Variants in CDH23 observed in about 807,000 individuals in gnomAD.
CDH23 encodes the protein cadherin-23.
In CDH23, 189 loss-of-function variants were observed where a neutral mutation model predicts 317.1. The observed-to-expected ratio is 0.60, with a 90% confidence interval of 0.53 to 0.67. The LOEUF (loss-of-function observed/expected upper bound fraction) is 0.67. Among genes scored for constraint, CDH23 ranks in the 30% least tolerant of loss-of-function variants. The probability of loss-of-function intolerance (pLI) is 0.00; values close to 1 mark genes in which losing one functional copy is unlikely to be tolerated. For synonymous variants in CDH23, 1,839 were observed against 1,876.8 expected (o/e 0.98, Z 0.52); for missense variants, 4,401 against 4,592.4 (o/e 0.96, Z 1.20).
At chr10:71,541,415 CAG>C (rs1855982997) in intron 6 of CDH23, among the ~76,000 whole-genome samples, 1 of 152,348 alleles carries the variant, frequency 6.6e-6, no homozygotes, top group East Asian at 1.9e-4. Context: ...TTAGTAGGAA[CAG>C]AGACTTTGGA....
intron 6 of CDH23, among the ~76,000 whole-genome samples, chr10:71,516,752 G>A (rs1199224013): frequency 6.6e-6 from 1 of 152,200 alleles, no homozygotes; most frequent in Non-Finnish European, 1.5e-5. Context: ...TCAAAGGGAT[G>A]GAGCCAGGAT....
At chr10:71,459,282 T>TG (rs1850857306) in intron 3 of CDH23, among the ~76,000 whole-genome samples, 1 of 151,778 alleles carries the variant, frequency 6.6e-6, no homozygotes. Context: ...TTTGTAGAGA[T>TG]GGGGGTCTCC....
At chr10:71,640,745 CTCTG>C (rs1354211842) in intron 11 of CDH23, among the ~76,000 whole-genome samples, 1 of 151,990 alleles carries the variant, frequency 6.6e-6, no homozygotes, top group Non-Finnish European at 1.5e-5. Flanking sequence ...CCAAGCAAGA[CTCTG>C]TCTGAAAAAA....
intron 36 of CDH23, among the ~76,000 whole-genome samples, chr10:71,740,205 C>G (rs1163977687): frequency 2.0e-5 from 3 of 152,214 alleles, no homozygotes; most frequent in African/African-American, 7.2e-5. Context: ...GCTTGAGGAG[C>G]CACGAAGGCT....
intron 35 of CDH23, 39 bp from the exon 36 acceptor site, chr10:71,739,605 C>T (rs1398395730): frequency 6.2e-7 from 1 of 1,604,314 alleles, no homozygotes; most frequent in Admixed American, 1.7e-5. Flanking sequence ...CACCTCTCCT[C>T]CACACCTGCT....
chr10:71,682,476 A>G lies in CDH23; in HGVS notation c.1890A>G (p.Glu630=). The G allele has an allele frequency of 6.2e-7, 1 of 1,612,736 alleles. No individual in the cohort carries two copies. The highest frequency in any genetic ancestry group is 8.5e-7 in the Non-Finnish European group (1 of 1,179,388). Residue 630 remains glutamate, a synonymous_variant, in exon 18 of 70, where the codon GAA becomes GAG. Transcript: ENST00000224721. ...GCGTCAGTCGCCCCCTGGATTATGA[A>G]CAGATATCCAATGGGCTGATTTATC... The part of the protein sequence containing the change: ...VISVSRPLDY[E]QISNGLIYLT...
chr10:71,437,554 G>A (rs77435517), intron 1 of CDH23, among the ~76,000 whole-genome samples: 2,708 of 152,286 alleles, frequency 0.018, 88 homozygotes, highest in African/African-American at 0.061. Flanking sequence ...TATTCTCAAA[G>A]TAAACAGTAG....
intron 14 of CDH23, among the ~76,000 whole-genome samples, chr10:71,667,348 A>AG (rs1863945654): frequency 3.3e-5 from 4 of 122,308 alleles, no homozygotes; most frequent in African/African-American, 1.2e-4. Context: ...GAGGCAGAGA[A>AG]AGAGAGAGAG....
chr10:71,755,514 C>A (rs1424771855), intron 38 of CDH23: 1 of 1,528,892 alleles, frequency 6.5e-7, no homozygotes, highest in Non-Finnish European at 8.9e-7. Context: ...TCCCATTGCT[C>A]CTCCTGAGCA....
chr10:71,783,314 T>G (rs1841007093), intron 41 of CDH23, among the ~76,000 whole-genome samples: 1 of 152,114 alleles, frequency 6.6e-6, no homozygotes. Flanking sequence ...CTGTCTCTTC[T>G]CTCCACCCTC....
Position 71,403,432 on chromosome 10 carries a change from C to CT in CDH23, c.-6+6114_-6+6115insT, listed in dbSNP as rs1302023979. Among the ~76,000 whole-genome samples, 34 of 73,216 alleles carry CT rather than the reference C, an allele frequency of 4.6e-4. 1 individual carries two copies. Among genetic ancestry groups the CT allele is most frequent in the African/African-American group, 2.9e-3 (30 of 10,444 alleles). The allele number at this position is 73,216 out of a possible 152,430, so 48.0% of individuals were successfully genotyped here. A position where few individuals can be genotyped will look rare whatever the true frequency, so the allele number is the denominator to read the frequency against. On this transcript the variant is annotated intron_variant, in intron 1 of 69. Coordinates refer to ENST00000224721, the MANE Select transcript of CDH23 (RefSeq NM_022124.6). ...CTCTTCCTTCCTTCCTTCCTTCCTT[C>CT]CTTCCTTCCTTCCTTCCTTCCTTTC... is the stretch of plus-strand genomic sequence containing the variant.
At chr10:71,789,117 C>T (rs1026191639) in intron 45 of CDH23, 75 bp downstream of exon 45, 8 of 773,626 alleles carry the variant, frequency 1.0e-5, no homozygotes, top group East Asian at 7.5e-5. Context: ...GAGGACCTCC[C>T]TTATGCCTAA....
chr10:71,458,633 G>A (rs1310157140), intron 3 of CDH23, among the ~76,000 whole-genome samples: 1 of 152,226 alleles, frequency 6.6e-6, no homozygotes, highest in African/African-American at 2.4e-5. Flanking sequence ...AGTGTGGACT[G>A]TATCACCAGC....
At chr10:71,727,327 G>A (rs1449632363) in intron 30 of CDH23, among the ~76,000 whole-genome samples, 1 of 152,180 alleles carries the variant, frequency 6.6e-6, no homozygotes, top group Admixed American at 6.5e-5. Context: ...CCTCTTCAAA[G>A]CCCAGTCAGA....
intron 3 of CDH23, among the ~76,000 whole-genome samples, chr10:71,460,941 TGGTCACTAG>T (rs1255294438): frequency 6.6e-6 from 1 of 152,206 alleles, no homozygotes; most frequent in African/African-American, 2.4e-5. Flanking sequence ...TAGCCCAGCC[TGGTCACTAG>T]GGACACCACC....
At chr10:71,712,368 T>A (rs1164153479) in intron 27 of CDH23, 1 of 322,610 alleles carries the variant, frequency 3.1e-6, no homozygotes, top group East Asian at 5.3e-5. Flanking sequence ...TTCAATCCAC[T>A]TGAGTGCCTC....
chr10:71,465,854 C>T (rs1405669177), intron 3 of CDH23, among the ~76,000 whole-genome samples: 1 of 151,712 alleles, frequency 6.6e-6, no homozygotes, highest in Non-Finnish European at 1.5e-5. Flanking sequence ...AAATTAGTGC[C>T]GGGTACTGAA....
chr10:71,486,223 C>T (rs1852339726), intron 3 of CDH23, among the ~76,000 whole-genome samples: 1 of 152,186 alleles, frequency 6.6e-6, no homozygotes, highest in South Asian at 2.1e-4. Context: ...AGGTACTAGT[C>T]CCTGTCTCCT....
chr10:71,587,558 G>A (rs1859165431), intron 9 of CDH23, among the ~76,000 whole-genome samples: 1 of 152,232 alleles, frequency 6.6e-6, no homozygotes. Flanking sequence ...AAATACCAGG[G>A]TGAGGAGAGG....
Sources: allele counts gnomAD v4.1 joint callset (sites outside exome capture counted in the v4.1 genomes callset), GRCh38; gene constraint gnomAD v4.1.1; transcripts MANE v1.5; gene names NCBI Gene and HGNC (gene_info 2026-07-23, HGNC 2026-07-21).